Variants in PCDHA1 observed in about 807,000 individuals in gnomAD.
PCDHA1 encodes the protein protocadherin alpha 1.
A neutral mutation model predicts 61.3 loss-of-function variants in PCDHA1; 42 were observed. The ratio of observed to expected loss-of-function variants is 0.69; its 90% CI spans 0.54 to 0.89. PCDHA1 has a LOEUF of 0.89. Ranked by LOEUF, PCDHA1 falls within the 40% of genes least tolerant of loss-of-function variation. The probability of loss-of-function intolerance (pLI) is 0.00; values close to 1 mark genes in which losing one functional copy is unlikely to be tolerated. For missense variants in PCDHA1, 1,256 were observed against 1,235.3 expected (o/e 1.02, Z -0.25); for synonymous variants, 610 against 553.8 (o/e 1.10, Z -1.43).
intron 1 of PCDHA1, chr5:140,842,895 A>C: frequency 6.3e-7 from 1 of 1,594,156 alleles, no homozygotes; most frequent in East Asian, 2.2e-5. Flanking sequence ...CCGCTGGACC[A>C]CGAGGAGCTA....
Position 141,009,983 on chromosome 5 carries a change from G to A in PCDHA1, c.*46G>A, listed in dbSNP as rs1554262629. The A allele has an allele frequency of 1.9e-6, 3 of 1,581,862 alleles. No homozygotes were observed. Among genetic ancestry groups the A allele is most frequent in the Non-Finnish European group, 2.6e-6 (3 of 1,167,526 alleles). On this transcript the variant is annotated 3_prime_UTR_variant, in exon 4 of 4. Coordinates refer to ENST00000504120, the MANE Select transcript of PCDHA1 (RefSeq NM_018900.4). ...CCACTTAGCCAGTTTTTGTAATAAT[G>A]GCAAATCTCTCCCATGTAGCAATTC...
chr5:140,929,646 A>G (rs868995130), intron 1 of PCDHA1: 1 of 365,824 alleles, frequency 2.7e-6, no homozygotes, highest in Non-Finnish European at 5.0e-6. Flanking sequence ...TGTGTAAGGC[A>G]CTCTAATATT....
At chr5:140,823,791 C>T (rs2150129177) in intron 1 of PCDHA1, 96 of 1,613,688 alleles carry the variant, frequency 5.9e-5, no homozygotes, top group Non-Finnish European at 7.9e-5. Flanking sequence ...TGGAAAGTGG[C>T]CAGGCGCCGA....
chr5:140,963,666 ATAGT>A (rs1254219157), intron 1 of PCDHA1, among the ~76,000 whole-genome samples: 1 of 152,216 alleles, frequency 6.6e-6, no homozygotes, highest in African/African-American at 2.4e-5. Flanking sequence ...CCTATATGGC[ATAGT>A]TAAATGTGTT....
intron 1 of PCDHA1, chr5:140,806,969 A>G (rs1337219692): frequency 3.4e-5 from 21 of 608,738 alleles, no homozygotes; most frequent in African/African-American, 5.5e-5. Flanking sequence ...CACAATTGCT[A>G]CTTACGGTTT....
At chr5:140,992,095 G>T (rs1554252652) in intron 3 of PCDHA1, among the ~76,000 whole-genome samples, 1 of 151,540 alleles carries the variant, frequency 6.6e-6, no homozygotes, top group East Asian at 1.9e-4. Context: ...TAGAGAAAGA[G>T]AATTAAGGTG....
chr5:140,905,162 G>A (rs2071641359), intron 1 of PCDHA1, among the ~76,000 whole-genome samples: 1 of 152,118 alleles, frequency 6.6e-6, no homozygotes, highest in African/African-American at 2.4e-5. Flanking sequence ...GAATTTTCAT[G>A]GTTTCAGGTT....
chr5:140,903,908 T>G (rs1248455998), intron 1 of PCDHA1, among the ~76,000 whole-genome samples: 2 of 152,242 alleles, frequency 1.3e-5, no homozygotes, highest in East Asian at 1.9e-4. Flanking sequence ...GTCAATGATG[T>G]GACTTCCTTG....
intron 1 of PCDHA1, chr5:140,967,023 G>C: frequency 6.2e-7 from 1 of 1,608,162 alleles, no homozygotes; most frequent in Non-Finnish European, 8.5e-7. Context: ...GGTGCGCCCA[G>C]TCCGCGCTAC....
chr5:140,998,005 C>G (rs539275150), intron 3 of PCDHA1, among the ~76,000 whole-genome samples: 1 of 152,164 alleles, frequency 6.6e-6, no homozygotes, highest in South Asian at 2.1e-4. Flanking sequence ...TCTGAGCCTT[C>G]CATCCCCACC....
At position 140,850,380 on chromosome 5, in the gene PCDHA1, G is replaced by A. The variant is rs1554144242; in HGVS notation, c.2394+61696G>A. On this transcript the variant is annotated intron_variant, in intron 1 of 3. Transcript: ENST00000504120. ...CCCGTTCCGCGTGGGGCTGTACACG[G>A]GCGAGATCAGCACAACGCGTGCCCT... 2.5e-6 allele frequency: 4 copies of A among 1,597,780 alleles called. 1 individual carries two copies. Among genetic ancestry groups the A allele is most frequent in the East Asian group, 2.2e-5 (1 of 44,840 alleles).
At chr5:140,985,818 C>T (rs1377098916) in intron 3 of PCDHA1, among the ~76,000 whole-genome samples, 1 of 142,038 alleles carries the variant, frequency 7.0e-6, no homozygotes, top group Non-Finnish European at 1.5e-5. Flanking sequence ...CAGCTCACAA[C>T]AAGCTCTGCC....
chr5:140,824,246 A>G (rs1229487680), intron 1 of PCDHA1: 1 of 1,453,814 alleles, frequency 6.9e-7, no homozygotes, highest in East Asian at 2.3e-5. Flanking sequence ...ATTGTGGTAC[A>G]CAATTATTGC....
intron 1 of PCDHA1, among the ~76,000 whole-genome samples, chr5:140,891,067 C>G (rs2062935872): frequency 6.6e-6 from 1 of 152,096 alleles, no homozygotes; most frequent in Admixed American, 6.6e-5. Flanking sequence ...AAATATTATT[C>G]CAGTGTCTAC....
intron 1 of PCDHA1, chr5:140,796,936 G>T: frequency 1.9e-6 from 3 of 1,613,864 alleles, no homozygotes; most frequent in Non-Finnish European, 2.5e-6. Context: ...CGGCGAACCA[G>T]CGTTGACAGC....
chr5:140,940,434 T>A (rs155816), intron 1 of PCDHA1, among the ~76,000 whole-genome samples: 48,246 of 152,056 alleles, frequency 0.32, 7,999 homozygotes, highest in East Asian at 0.53. Flanking sequence ...TGATCAAGTC[T>A]GCCATGATAT....
intron 1 of PCDHA1, chr5:140,869,203 T>C: frequency 6.2e-7 from 1 of 1,614,000 alleles, no homozygotes; most frequent in Non-Finnish European, 8.5e-7. Flanking sequence ...GCTCCACTAC[T>C]CCGTCTCGGA....
intron 1 of PCDHA1, among the ~76,000 whole-genome samples, chr5:140,821,215 G>A (rs1244036571): frequency 1.3e-5 from 2 of 152,084 alleles, no homozygotes; most frequent in African/African-American, 4.8e-5. Context: ...AATTAGATAT[G>A]TTTAAATAGA....
intron 1 of PCDHA1, chr5:140,829,787 C>T: frequency 6.2e-7 from 1 of 1,613,830 alleles, no homozygotes; most frequent in Non-Finnish European, 8.5e-7. Context: ...GCCGGCGCTG[C>T]TGGCGCCTCG....
Sources: gnomAD v4.1 joint callset for allele counts (sites outside exome capture counted in the v4.1 genomes callset) on GRCh38, gnomAD v4.1.1 for gene constraint, MANE v1.5 for transcripts, NCBI Gene and HGNC (gene_info 2026-07-23, HGNC 2026-07-21) for gene names.